Variants in INO80D observed in about 807,000 individuals in gnomAD.
INO80D encodes INO80 complex subunit D.
In INO80D, 21 loss-of-function variants were observed where a neutral mutation model predicts 87.6. The observed-to-expected ratio is 0.24, with a 90% confidence interval of 0.17 to 0.35. The LOEUF is 0.35. INO80D is among the 10% of genes least tolerant of loss of function. The pLI is 1.00. For synonymous variants in INO80D, 440 were observed against 491.0 expected, an observed-to-expected ratio of 0.90 and a Z score of 1.37; for missense variants, 982 against 1,280.7, an observed-to-expected ratio of 0.77 and a Z score of 3.56.
chr2:206,071,245 A>C (rs377444597), intron 1 of INO80D, among the ~76,000 whole-genome samples: 4 of 72,030 alleles, frequency 5.6e-5, no homozygotes, highest in African/African-American at 5.2e-5. Context: ...AGGCATAAGC[A>C]CCACGCCCGG....
At position 206,062,998 on chromosome 2, in the gene INO80D, T is replaced by C. The variant is rs1046513359; in HGVS notation, c.19A>G (p.Ile7Val). 6.2e-7 allele frequency: 1 copy of C among 1,611,584 alleles called. No individual in the cohort carries two copies. The highest frequency in any genetic ancestry group is 8.5e-7 in the Non-Finnish European group (1 of 1,178,958). The part of the protein sequence containing the change: MYEGKH[I>V]HFSEVDNKPL... ...TTATTGTCAACCTCAGAGAAGTGTATATGTTTCCCTTCATACATCACGTGA... is the reference window on the plus strand; with the variant it reads ...TTATTGTCAACCTCAGAGAAGTGTACATGTTTCCCTTCATACATCACGTGA... Residue 7 changes from isoleucine (I) to valine (V), a missense_variant, in exon 3 of 11, where the codon ATA becomes GTA. Coordinates refer to ENST00000403263, the MANE Select transcript of INO80D (RefSeq NM_017759.5). The surrounding 1 kb of genome is among the most constrained non-coding windows in gnomAD (Gnocchi z 4.6).
Position 206,009,614 on chromosome 2 carries a change from C to A in INO80D, c.1723G>T (p.Ala575Ser). ...AVPQGNLSMP[A>S]SVSLPVEASH... ...GCCTCCACTGGCAGTGAGACGCTGG[C>A]GGGCATGCTGAGGTTCCCTTGGGGG... Residue 575 changes from alanine to serine, a missense_variant, in exon 9 of 11, where the codon GCC (alanine) becomes TCC (serine). By Grantham distance (99) the Ala-to-Ser change is moderately conservative. Coordinates refer to ENST00000403263, the MANE Select transcript of INO80D (RefSeq NM_017759.5). 6.2e-7 allele frequency: 1 copy of A among 1,613,690 alleles called. No homozygotes were observed.
At position 205,996,543 on chromosome 2, in the gene INO80D, AT is replaced by A. The variant is rs1316412914; in HGVS notation, c.*7824del. On this transcript the variant is annotated 3_prime_UTR_variant, in exon 11 of 11. Coordinates refer to ENST00000403263, the MANE Select transcript of INO80D (RefSeq NM_017759.5). ...CTTACAGAATAATCCAGAACTTTCC[AT>A]AGACATTAATCTTGCTTAACAAAGG... is the stretch of plus-strand genomic sequence containing the variant. The A allele has an allele frequency of 6.6e-6, 1 of 152,114 alleles. No individual in the cohort carries two copies. The highest frequency in any genetic ancestry group is 6.5e-5 in the Admixed American group (1 of 15,278). 9.4% of individuals were successfully genotyped at this position (152,114 alleles called of 1,614,324 possible). A position where few individuals can be genotyped will look rare whatever the true frequency, so the allele number is the denominator to read the frequency against.
At chr2:206,068,490 T>C (rs967631886) in intron 1 of INO80D, among the ~76,000 whole-genome samples, 6 of 152,174 alleles carry the variant, frequency 3.9e-5, no homozygotes, top group South Asian at 2.1e-4. Flanking sequence ...TAAAGTTTTA[T>C]TGGAACACAG....
At chr2:206,049,877 A>G (rs1272283796) in intron 4 of INO80D, among the ~76,000 whole-genome samples, 3 of 152,240 alleles carry the variant, frequency 2.0e-5, no homozygotes, top group African/African-American at 7.2e-5. Flanking sequence ...CACGCCTGTA[A>G]TCCCAGCACT....
intron 6 of INO80D, among the ~76,000 whole-genome samples, chr2:206,023,908 G>T (rs1288074409): frequency 1.3e-5 from 2 of 152,110 alleles, no homozygotes; most frequent in Non-Finnish European, 2.9e-5. Context: ...CAGTTAGGAA[G>T]ATGTTCTGAA....
At chr2:206,045,498 A>T (rs998912490) in intron 5 of INO80D, among the ~76,000 whole-genome samples, 1 of 152,212 alleles carries the variant, frequency 6.6e-6, no homozygotes, top group Non-Finnish European at 1.5e-5. Context: ...GTCAAACTGT[A>T]CCAAGTGAAT....
At chr2:206,019,617 A>C in intron 7 of INO80D, 119 bp downstream of exon 7, 1 of 658,170 alleles carries the variant, frequency 1.5e-6, no homozygotes, top group Non-Finnish European at 2.5e-6. Flanking sequence ...CGATAAAATT[A>C]TTTTAAACAT....
At chr2:206,056,137 A>C in intron 4 of INO80D, 61 bp downstream of exon 4, 13 of 1,486,036 alleles carry the variant, frequency 8.7e-6, no homozygotes, top group Non-Finnish European at 1.2e-5. Flanking sequence ...GGGAAGCTCC[A>C]CACAACCGAA....
At chr2:206,023,409 C>T (rs1055434451) in intron 6 of INO80D, among the ~76,000 whole-genome samples, 4 of 151,952 alleles carry the variant, frequency 2.6e-5, no homozygotes, top group African/African-American at 9.7e-5. Context: ...GCCGGCTGGG[C>T]GCAGTGGCTC....
chr2:206,023,842 T>C (rs547586400), intron 6 of INO80D, among the ~76,000 whole-genome samples: 5 of 152,324 alleles, frequency 3.3e-5, no homozygotes, highest in African/African-American at 1.2e-4. Flanking sequence ...AGGGTCCATC[T>C]TGCTGTTTGT....
intron 1 of INO80D, among the ~76,000 whole-genome samples, chr2:206,076,029 G>T (rs1210273082): frequency 6.8e-6 from 1 of 147,596 alleles, no homozygotes; most frequent in East Asian, 2.0e-4. Context: ...TCCAGCCTGG[G>T]CAATAGAGTG....
chr2:206,078,812 T>C (rs1690194274), intron 1 of INO80D, among the ~76,000 whole-genome samples: 1 of 151,654 alleles, frequency 6.6e-6, no homozygotes, highest in African/African-American at 2.4e-5. Context: ...GGTGTGGTGG[T>C]GGGCGCCTGT....
chr2:206,036,357 G>A (rs374154200), intron 5 of INO80D, among the ~76,000 whole-genome samples: 2 of 152,102 alleles, frequency 1.3e-5, no homozygotes, highest in Non-Finnish European at 2.9e-5. Context: ...ATCAGTCAAC[G>A]AGTGGATAAA....
intron 5 of INO80D, among the ~76,000 whole-genome samples, chr2:206,036,723 A>T (rs780535046): frequency 1.3e-5 from 2 of 152,216 alleles, no homozygotes; most frequent in African/African-American, 2.4e-5. Flanking sequence ...CTGAAAAAAT[A>T]AAAAAGATGC....
intron 1 of INO80D, among the ~76,000 whole-genome samples, chr2:206,065,720 G>T (rs1196770487): frequency 2.0e-5 from 3 of 152,076 alleles, no homozygotes; most frequent in Non-Finnish European, 4.4e-5. Flanking sequence ...ATTTTTAAAT[G>T]GGCAAATGAT....
intron 1 of INO80D, among the ~76,000 whole-genome samples, chr2:206,079,623 C>T (rs540187245): frequency 1.3e-5 from 2 of 152,318 alleles, no homozygotes; most frequent in Non-Finnish European, 1.5e-5. Context: ...CTCTTCAAAT[C>T]TCTTGTCAGG....
intron 8 of INO80D, among the ~76,000 whole-genome samples, chr2:206,015,866 G>A (rs1688304191): frequency 6.6e-6 from 1 of 152,006 alleles, no homozygotes; most frequent in Non-Finnish European, 1.5e-5. Flanking sequence ...CAGCCTGGGT[G>A]ACAGAGTGAG....
rs1687992533 is a variant in INO80D, at chr2:206,005,184, G to A, written c.2268C>T (p.Phe756=). 1.2e-6 allele frequency: 2 copies of A among 1,613,912 alleles called. No homozygotes were observed. The part of the protein sequence containing the change: ...TPLAGQIQGQ[F]SAPANVGLTS... The stretch of plus-strand genomic sequence containing the variant: ...TAAGGCCAACGTTGGCTGGGGCAGA[G>A]AACTGCCCCTGGATCTGCCCTGCCA... The change falls in exon 11 of 11, where the codon TTC becomes TTT. Residue 756 remains phenylalanine (F), a synonymous_variant. Coordinates refer to ENST00000403263, the MANE Select transcript of INO80D (RefSeq NM_017759.5).
Sources: gnomAD v4.1 joint callset for allele counts (sites outside exome capture counted in the v4.1 genomes callset) on GRCh38, gnomAD v4.1.1 for gene constraint, Gnocchi (gnomAD v3.1) non-coding constraint, MANE v1.5 for transcripts, NCBI Gene and HGNC (gene_info 2026-07-23, HGNC 2026-07-21) for gene names.